The following NELL1 variants were observed in gnomAD, a reference collection of about 807,000 sequenced individuals.
The protein encoded by NELL1 is protein kinase C-binding protein NELL1.
NELL1 carries 76 observed loss-of-function variants against 107.4 expected under a neutral mutation model. The ratio of observed to expected loss-of-function variants is 0.71; its 90% CI spans 0.59 to 0.86. The LOEUF is 0.86. NELL1 is among the 40% of genes least tolerant of loss of function. NELL1 has a pLI of 0.00. For synonymous variants in NELL1, 353 were observed against 341.2 expected, an observed-to-expected ratio of 1.03 and a Z score of -0.38; for missense variants, 1,024 against 1,005.5, an observed-to-expected ratio of 1.02 and a Z score of -0.25.
chr11:21,190,968 G>A (rs1462487694), intron 13 of NELL1, among the ~76,000 whole-genome samples: 3 of 151,722 alleles, frequency 2.0e-5, no homozygotes, highest in Admixed American at 6.6e-5. Flanking sequence ...GTAATGTTGG[G>A]CATATTGCAA....
intron 14 of NELL1, among the ~76,000 whole-genome samples, chr11:21,360,128 G>T (rs1036860592): frequency 6.6e-6 from 1 of 151,992 alleles, no homozygotes; most frequent in African/African-American, 2.4e-5. Context: ...GGCATTTAAT[G>T]CTGTGAACGT....
At chr11:21,236,160 T>TC (rs1858201518) in intron 14 of NELL1, among the ~76,000 whole-genome samples, 1 of 152,148 alleles carries the variant, frequency 6.6e-6, no homozygotes, top group African/African-American at 2.4e-5. Flanking sequence ...TATTCATCCC[T>TC]CACAGTCCAG....
intron 12 of NELL1, among the ~76,000 whole-genome samples, chr11:21,078,979 A>T (rs2133665297): frequency 6.6e-6 from 1 of 152,138 alleles, no homozygotes; most frequent in South Asian, 2.1e-4. Flanking sequence ...CCCACTTATA[A>T]AGCAAAAACT....
chr11:21,099,749 C>G (rs1244770315), intron 12 of NELL1, among the ~76,000 whole-genome samples: 2 of 152,164 alleles, frequency 1.3e-5, no homozygotes, highest in Non-Finnish European at 2.9e-5. Flanking sequence ...GGTAGAAAAT[C>G]TGGCATTTGA....
At chr11:20,955,583 C>A (rs1851153939) in intron 11 of NELL1, among the ~76,000 whole-genome samples, 1 of 152,154 alleles carries the variant, frequency 6.6e-6, no homozygotes, top group African/African-American at 2.4e-5. Context: ...ATATCATCAT[C>A]ATTATTAGTG....
intron 15 of NELL1, among the ~76,000 whole-genome samples, chr11:21,531,985 G>A (rs1038248543): frequency 1.3e-5 from 2 of 152,260 alleles, no homozygotes; most frequent in East Asian, 1.9e-4. Flanking sequence ...CAGTGAAAAC[G>A]TGAGCCCCTC....
At chr11:21,147,421 T>C (rs182119456) in intron 13 of NELL1, among the ~76,000 whole-genome samples, 1 of 152,122 alleles carries the variant, frequency 6.6e-6, no homozygotes, top group Non-Finnish European at 1.5e-5. Flanking sequence ...GGTTATAGCA[T>C]AGGAGAAATA....
At chr11:20,937,008 CT>C (rs59620090) in intron 9 of NELL1, among the ~76,000 whole-genome samples, 14,992 of 152,114 alleles carry the variant, frequency 0.099, 953 homozygotes, top group East Asian at 0.28. Flanking sequence ...ATACTTGCTT[CT>C]TTTTTTCCTG....
chr11:21,418,617 T>A (rs186866130), intron 15 of NELL1, among the ~76,000 whole-genome samples: 97 of 152,206 alleles, frequency 6.4e-4, no homozygotes, highest in African/African-American at 2.2e-3. Flanking sequence ...TCCTTTCAGG[T>A]CTCTAAACCA....
intron 4 of NELL1, 32 bp downstream of exon 4, chr11:20,847,785 T>C: frequency 6.4e-7 from 1 of 1,572,820 alleles, no homozygotes; most frequent in Non-Finnish European, 8.6e-7. Flanking sequence ...TTGCTGATTC[T>C]GCCCTTGAAA....
At chr11:20,901,959 G>A (rs1250454799) in intron 5 of NELL1, among the ~76,000 whole-genome samples, 5 of 152,046 alleles carry the variant, frequency 3.3e-5, no homozygotes, top group African/African-American at 1.2e-4. Context: ...TTTGTGTACA[G>A]TATAAGGAAA....
chr11:20,732,640 G>T (rs887398294), intron 2 of NELL1, among the ~76,000 whole-genome samples: 1 of 152,108 alleles, frequency 6.6e-6, no homozygotes, highest in South Asian at 2.1e-4. Flanking sequence ...GCTGAGAAGT[G>T]GGGGAAGGCA....
At chr11:21,531,118 G>A (rs1855980665) in intron 15 of NELL1, among the ~76,000 whole-genome samples, 1 of 152,142 alleles carries the variant, frequency 6.6e-6, no homozygotes, top group Non-Finnish European at 1.5e-5. Flanking sequence ...GAGGGAGTTG[G>A]TGATATTGGT....
At chr11:21,212,604 T>C (rs940608126) in intron 13 of NELL1, among the ~76,000 whole-genome samples, 2 of 152,150 alleles carry the variant, frequency 1.3e-5, no homozygotes, top group Admixed American at 6.5e-5. Flanking sequence ...ACCACTTCCA[T>C]GCAGAAACAT....
At chr11:21,236,735 C>A (rs1169855132) in intron 14 of NELL1, among the ~76,000 whole-genome samples, 3 of 152,104 alleles carry the variant, frequency 2.0e-5, no homozygotes, top group African/African-American at 4.8e-5. Context: ...TTTTTAGACT[C>A]ATTCAGTTAT....
intron 13 of NELL1, among the ~76,000 whole-genome samples, chr11:21,217,570 G>T (rs181588947): frequency 3.3e-5 from 5 of 152,146 alleles, no homozygotes. Flanking sequence ...AATGAGGAGA[G>T]GGTAGTTTGA....
chr11:21,473,139 G>C (rs1054450608), intron 15 of NELL1, among the ~76,000 whole-genome samples: 1 of 152,056 alleles, frequency 6.6e-6, no homozygotes, highest in Non-Finnish European at 1.5e-5. Context: ...AATCAGGGAA[G>C]CTTCATGACT....
chr11:20,733,330 G>A (rs1855690416), intron 2 of NELL1, among the ~76,000 whole-genome samples: 1 of 152,198 alleles, frequency 6.6e-6, no homozygotes, highest in African/African-American at 2.4e-5. Flanking sequence ...AATTGATGTA[G>A]GTCAAGATGG....
intron 13 of NELL1, among the ~76,000 whole-genome samples, chr11:21,134,226 C>G (rs1208715718): frequency 6.6e-6 from 1 of 152,138 alleles, no homozygotes; most frequent in Non-Finnish European, 1.5e-5. Flanking sequence ...CCAAGGAGGT[C>G]AGAAGAAAGG....
Sources: gnomAD v4.1 joint callset for allele counts (sites outside exome capture counted in the v4.1 genomes callset) on GRCh38, gnomAD v4.1.1 for gene constraint, MANE v1.5 for transcripts, NCBI Gene and HGNC (gene_info 2026-07-23, HGNC 2026-07-21) for gene names.